MEF2A: variants seen among roughly 807,000 people sequenced by gnomAD.
MEF2A encodes the protein myocyte enhancer factor 2A.
A neutral mutation model predicts 55.8 loss-of-function variants in MEF2A; 28 were observed. The ratio of observed to expected loss-of-function variants is 0.50; its 90% CI spans 0.37 to 0.69. The LOEUF (loss-of-function observed/expected upper bound fraction) is 0.69, where lower values mean the gene tolerates loss of function less well. Ranked by LOEUF, MEF2A falls within the 30% of genes least tolerant of loss-of-function variation. The pLI is 0.00. For synonymous variants in MEF2A, 239 were observed against 227.1 expected (o/e 1.05, Z -0.47); for missense variants, 528 against 626.2 (o/e 0.84, Z 1.67).
At chr15:99,679,737 T>C (rs938306508) in intron 7 of MEF2A, among the ~76,000 whole-genome samples, 3 of 152,202 alleles carry the variant, frequency 2.0e-5, no homozygotes, top group Non-Finnish European at 2.9e-5. Context: ...CGTTTTTGTT[T>C]TGTACATTTT....
Position 99,616,997 on chromosome 15 carries a change from C to A in MEF2A, c.-142-15981C>A, listed in dbSNP as rs575331002. On this transcript the variant is annotated intron_variant, in intron 2 of 11. Transcript: ENST00000557942. The stretch of plus-strand genomic sequence containing the variant: ...GCCAAATCAACAAGTTACTCTTCCA[C>A]TGTCTCCTGCCTTGTCTTTGTTACA... 2.5e-4 allele frequency among the ~76,000 whole-genome samples: 38 copies of A among 152,306 alleles called. No individual in the cohort carries two copies. In the South Asian group the frequency reaches 7.9e-3, roughly 32 times the overall value.
Position 99,674,593 on chromosome 15 carries a change from A to G in MEF2A, c.591A>G (p.Pro197=). Residue 197 remains proline, a synonymous_variant, in exon 6 of 12, where the codon CCA becomes CCG. Coordinates refer to ENST00000557942, the MANE Select transcript of MEF2A (RefSeq NM_001319206.4). ...TGTCTCCTGGAGCTCCTCAGAGACC[A>G]CCAAGTACTGGCAATGCAGGTATGT... ...RNVSPGAPQR[P]PSTGNAGGML... 6.2e-7 allele frequency: 1 copy of G among 1,613,812 alleles called. No individual in the cohort carries two copies. Among genetic ancestry groups the G allele is most frequent in the Non-Finnish European group, 8.5e-7 (1 of 1,179,688 alleles).
intron 7 of MEF2A, among the ~76,000 whole-genome samples, chr15:99,688,781 A>G (rs1174691499): frequency 1.3e-5 from 2 of 152,096 alleles, no homozygotes; most frequent in Admixed American, 1.3e-4. Context: ...AAATAAATAA[A>G]AATAAAATGC....
Position 99,716,355 on chromosome 15 carries a change from G to A in MEF2A, c.*3584G>A, listed in dbSNP as rs2059149601. The A allele has an allele frequency of 5.6e-6, 2 of 354,896 alleles. No homozygotes were observed. The highest frequency in any genetic ancestry group is 1.1e-5 in the Non-Finnish European group (2 of 176,934). The allele number at this position is 354,896 out of a possible 1,614,324, so 22.0% of individuals were successfully genotyped here. ...AGTTAATCTCAATTTTTCCCTGAAT[G>A]TGTTGTTTTTCTTCATTATACAATA... is the stretch of plus-strand genomic sequence containing the variant. On this transcript the variant is annotated 3_prime_UTR_variant, in exon 12 of 12. Transcript: ENST00000557942.
At chr15:99,681,350 G>A (rs1597114047) in intron 7 of MEF2A, among the ~76,000 whole-genome samples, 1 of 152,172 alleles carries the variant, frequency 6.6e-6, no homozygotes, top group South Asian at 2.1e-4. Flanking sequence ...ATGGGATGGC[G>A]GAGGACAGCA....
intron 4 of MEF2A, among the ~76,000 whole-genome samples, chr15:99,670,046 T>C (rs921061134): frequency 1.3e-5 from 2 of 152,158 alleles, no homozygotes; most frequent in African/African-American, 4.8e-5. Context: ...CATTTCAGTG[T>C]TGAACCCTGT....
intron 8 of MEF2A, among the ~76,000 whole-genome samples, chr15:99,693,682 C>A (rs1233590920): frequency 1.3e-5 from 2 of 152,052 alleles, no homozygotes; most frequent in African/African-American, 4.8e-5. Context: ...TGAAGATTTC[C>A]TCAAACAAAA....
rs944359259 is a variant in MEF2A, at chr15:99,712,240, C to T, written c.1137-150C>T. On this transcript the variant is annotated intron_variant, in intron 11 of 11. Coordinates refer to ENST00000557942, the MANE Select transcript of MEF2A (RefSeq NM_001319206.4). The surrounding 1 kb of genome is among the most constrained non-coding windows in gnomAD (Gnocchi z 4.1). Reference sequence around the variant, plus strand: ...ATGGGATTTCCTTTTGTGCCAAGCACTGAAGGAAACGACCCAAACCAGTCT... The same window carrying T: ...ATGGGATTTCCTTTTGTGCCAAGCATTGAAGGAAACGACCCAAACCAGTCT... 3 of 1,345,878 alleles carry T rather than the reference C, an allele frequency of 2.2e-6. No homozygotes were observed. Among genetic ancestry groups the T allele is most frequent in the African/African-American group, 2.9e-5 (2 of 67,920 alleles). The allele number at this position is 1,345,878 out of a possible 1,614,324, so 83.4% of individuals were successfully genotyped here. A position where few individuals can be genotyped will look rare whatever the true frequency, so the allele number is the denominator to read the frequency against.
At chr15:99,607,111 G>A (rs963513614) in intron 2 of MEF2A, among the ~76,000 whole-genome samples, 1 of 152,046 alleles carries the variant, frequency 6.6e-6, no homozygotes, top group African/African-American at 2.4e-5. Flanking sequence ...AATAAAACAG[G>A]TAAAATAAGC....
chr15:99,710,217 T>C (rs1291654364), intron 10 of MEF2A, among the ~76,000 whole-genome samples: 1 of 152,214 alleles, frequency 6.6e-6, no homozygotes, highest in African/African-American at 2.4e-5. Flanking sequence ...TGTTGTGAAG[T>C]ATCTGGCTTC....
chr15:99,565,645 C>T (rs2152609955), upstream of MEF2A: 1 of 152,554 alleles, frequency 6.6e-6, no homozygotes, highest in East Asian at 1.9e-4. Flanking sequence ...GGCGCCAAGC[C>T]GCCGTCATCT....
intron 2 of MEF2A, among the ~76,000 whole-genome samples, chr15:99,618,180 A>G (rs545623625): frequency 6.6e-6 from 1 of 152,278 alleles, no homozygotes; most frequent in South Asian, 2.1e-4. Flanking sequence ...TGCTTTATAG[A>G]TATTAGAACC....
At chr15:99,691,035 C>T (rs1466088694) in intron 8 of MEF2A, among the ~76,000 whole-genome samples, 3 of 151,142 alleles carry the variant, frequency 2.0e-5, no homozygotes, top group East Asian at 1.9e-4. Flanking sequence ...TGGATCATTA[C>T]GCATTCTATG....
At position 99,576,789 on chromosome 15, in the gene MEF2A, T is replaced by C. The variant is rs565997077; in HGVS notation, c.-225+10685T>C. ...CTGAGTAGCTGGGACTACAGGCGCC[T>C]GCCACCGCGCCCGGCTAATTTTTTT... On this transcript the variant is annotated intron_variant, in intron 1 of 11. Coordinates refer to ENST00000557942, the MANE Select transcript of MEF2A (RefSeq NM_001319206.4). 2.2e-4 allele frequency among the ~76,000 whole-genome samples: 33 copies of C among 152,136 alleles called. 1 individual carries two copies. The South Asian group carries it at 6.4e-3, about 30-fold the overall frequency.
At chr15:99,642,054 A>G (rs2045097631) in intron 3 of MEF2A, among the ~76,000 whole-genome samples, 1 of 151,924 alleles carries the variant, frequency 6.6e-6, no homozygotes, top group East Asian at 1.9e-4. Context: ...TAGGTGTTAT[A>G]CTTCCTGAGT....
intron 1 of MEF2A, among the ~76,000 whole-genome samples, chr15:99,573,891 A>G (rs910536128): frequency 6.6e-6 from 1 of 152,200 alleles, no homozygotes; most frequent in Non-Finnish European, 1.5e-5. Flanking sequence ...GTTTATTTTG[A>G]TACTGAAAAC....
intron 2 of MEF2A, among the ~76,000 whole-genome samples, chr15:99,632,567 G>T (rs1421277224): frequency 6.6e-6 from 1 of 152,086 alleles, no homozygotes; most frequent in East Asian, 1.9e-4. Context: ...GACCTTGGGC[G>T]TATTGCTTAA....
chr15:99,596,709 A>G (rs1199517259), intron 1 of MEF2A, among the ~76,000 whole-genome samples: 1 of 152,206 alleles, frequency 6.6e-6, no homozygotes. Flanking sequence ...CCTGGCCAAT[A>G]GGAGCGAGGA....
intron 2 of MEF2A, among the ~76,000 whole-genome samples, chr15:99,605,499 C>T (rs1974743156): frequency 6.6e-6 from 1 of 152,142 alleles, no homozygotes; most frequent in Non-Finnish European, 1.5e-5. Flanking sequence ...AAGCTACCAA[C>T]AATGTTGAAA....
Sources: gnomAD v4.1 joint callset for allele counts (sites outside exome capture counted in the v4.1 genomes callset) on GRCh38, gnomAD v4.1.1 for gene constraint, Gnocchi (gnomAD v3.1) non-coding constraint, MANE v1.5 for transcripts, NCBI Gene and HGNC (gene_info 2026-07-23, HGNC 2026-07-21) for gene names.